The following GRIP2 variants were observed in gnomAD, a reference collection of about 807,000 sequenced individuals.
GRIP2 encodes the protein glutamate receptor interacting protein 2, also known as glutamate receptor-interacting protein 2.
In GRIP2, 58 loss-of-function variants were observed where a neutral mutation model predicts 108.3. The ratio of observed to expected loss-of-function variants is 0.54; its 90% CI spans 0.43 to 0.67. The LOEUF (loss-of-function observed/expected upper bound fraction) is 0.67, where lower values mean the gene tolerates loss of function less well. GRIP2 is among the 30% of genes least tolerant of loss of function. The pLI, the probability that GRIP2 is intolerant of heterozygous loss-of-function variation, is 0.00. For missense variants in GRIP2, 1,278 were observed against 1,430.6 expected, an observed-to-expected ratio of 0.89 and a Z score of 1.72; for synonymous variants, 586 against 598.2, an observed-to-expected ratio of 0.98 and a Z score of 0.30.
chr3:14,577,002 C>A, the GRIP2 span, among the ~76,000 whole-genome samples: 1 of 152,222 alleles, frequency 6.6e-6, no homozygotes, highest in African/African-American at 2.4e-5. Flanking sequence ...GATTCATCAA[C>A]ACATTTCTTT....
upstream of GRIP2, among the ~76,000 whole-genome samples, chr3:14,557,368 G>A (rs991102410): frequency 6.6e-6 from 1 of 152,204 alleles, no homozygotes; most frequent in African/African-American, 2.4e-5. Flanking sequence ...GAAACTTGCA[G>A]ACAAATAATT....
intron 4 of GRIP2, chr3:14,523,978 G>T (rs190710932): frequency 7.8e-6 from 4 of 514,454 alleles, no homozygotes; most frequent in African/African-American, 5.7e-5. Flanking sequence ...CTCAGGCCAG[G>T]GCTGAATTCC....
rs1008816352 is a variant in GRIP2 at position 14,511,947 on chromosome 3, C to G, written c.1721-468G>C. ...GCAATCTCTCCCTGCCCTCCTGGAGCTGGCACTCCAGTGGTGGTCACAATC... is the reference window on the plus strand; with the variant it reads ...GCAATCTCTCCCTGCCCTCCTGGAGGTGGCACTCCAGTGGTGGTCACAATC... On this transcript the variant is annotated intron_variant, in intron 14 of 23. Transcript: ENST00000621039. The surrounding 1 kb of genome is among the most constrained non-coding windows in gnomAD (Gnocchi z 4.1). Among the ~76,000 whole-genome samples, 1 of 152,216 alleles carries G rather than the reference C, an allele frequency of 6.6e-6. No homozygotes were observed. The highest frequency in any genetic ancestry group is 1.5e-5 in the Non-Finnish European group (1 of 68,050).
At chr3:14,513,870 G>A (rs1013220251) in intron 12 of GRIP2, 60 bp from the exon 13 acceptor site, 2 of 1,581,006 alleles carry the variant, frequency 1.3e-6, no homozygotes, top group South Asian at 2.3e-5. Context: ...TGGGAGACAA[G>A]AACGCCATGC....
the GRIP2 span, among the ~76,000 whole-genome samples, chr3:14,580,095 C>T: frequency 0.022 from 3,403 of 152,336 alleles, 119 homozygotes; most frequent in African/African-American, 0.077. Flanking sequence ...GTGTCCAACA[C>T]AGGACTTCAT....
the GRIP2 span, chr3:14,572,869 G>C: frequency 8.3e-7 from 1 of 1,205,456 alleles, no homozygotes; most frequent in Admixed American, 1.7e-5. Context: ...TGAGCATCCA[G>C]TTCGTACTTC....
upstream of GRIP2, among the ~76,000 whole-genome samples, chr3:14,558,937 T>A (rs1353229280): frequency 6.6e-6 from 1 of 152,136 alleles, no homozygotes; most frequent in African/African-American, 2.4e-5. Flanking sequence ...CTGTCCTGGG[T>A]CAAATGAAGA....
chr3:14,516,962 T>A, intron 11 of GRIP2, 102 bp downstream of exon 11: 3 of 1,179,300 alleles, frequency 2.5e-6, no homozygotes, highest in Non-Finnish European at 3.4e-6. Context: ...CACCTGGAGC[T>A]CTGCCCAAAA....
the GRIP2 span, among the ~76,000 whole-genome samples, chr3:14,579,664 C>T: frequency 2.0e-5 from 3 of 152,118 alleles, no homozygotes; most frequent in Non-Finnish European, 4.4e-5. Flanking sequence ...CCCAGGCTGG[C>T]GTTCAGTCTC....
chr3:14,536,862 TCAC>T (rs1694847360), intron 1 of GRIP2, among the ~76,000 whole-genome samples: 1 of 152,168 alleles, frequency 6.6e-6, no homozygotes, highest in South Asian at 2.1e-4. Context: ...GCAGAAGTCC[TCAC>T]CACAACTGTC....
chr3:14,549,141 A>AGAAT (rs754700142), intron 1 of GRIP2, among the ~76,000 whole-genome samples: 4 of 152,266 alleles, frequency 2.6e-5, no homozygotes, highest in African/African-American at 7.2e-5. Flanking sequence ...AAGTGTTTGC[A>AGAAT]GAATGAATGA....
intron 1 of GRIP2, among the ~76,000 whole-genome samples, chr3:14,530,226 A>T (rs986799023): frequency 2.0e-5 from 3 of 151,942 alleles, no homozygotes; most frequent in Admixed American, 1.3e-4. Flanking sequence ...TCCTGGCTTT[A>T]TGCCGGGGTC....
At chr3:14,573,293 G>A in the GRIP2 span, 1 of 1,422,576 alleles carries the variant, frequency 7.0e-7, no homozygotes, top group Non-Finnish European at 9.9e-7. Context: ...GCAGGAAGAT[G>A]GCACTGGCCA....
upstream of GRIP2, among the ~76,000 whole-genome samples, chr3:14,558,770 A>T (rs1695276811): frequency 6.6e-6 from 1 of 152,128 alleles, no homozygotes; most frequent in Admixed American, 6.5e-5. Flanking sequence ...GAGACCCCAC[A>T]GGCCTCAGGG....
chr3:14,525,226 G>A (rs2124929174), intron 3 of GRIP2, among the ~76,000 whole-genome samples: 1 of 152,300 alleles, frequency 6.6e-6, no homozygotes, highest in Non-Finnish European at 1.5e-5. Flanking sequence ...CTATGGCCAA[G>A]CCCCTGGTGT....
At chr3:14,583,945 T>G in the GRIP2 span, among the ~76,000 whole-genome samples, 2 of 152,166 alleles carry the variant, frequency 1.3e-5, no homozygotes, top group African/African-American at 4.8e-5. Context: ...CTCCATAGTT[T>G]GAGCAGCCCT....
chr3:14,573,005 G>A, the GRIP2 span: 172 of 1,472,346 alleles, frequency 1.2e-4, 1 homozygote, highest in African/African-American at 2.0e-3. Context: ...GAAAGATGAT[G>A]ATCAGGCAGC....
At chr3:14,596,514 C>T in the GRIP2 span, among the ~76,000 whole-genome samples, 88 of 152,272 alleles carry the variant, frequency 5.8e-4, no homozygotes, top group Non-Finnish European at 1.1e-3. Context: ...CTCCCTCACT[C>T]CACAAATACC....
rs1693952815 is a variant in GRIP2 at position 14,507,095 on chromosome 3, A to G, written c.2219-115T>C. The G allele has an allele frequency of 1.7e-5, 17 of 999,038 alleles. No individual in the cohort carries two copies. In the South Asian group the frequency reaches 2.4e-4, roughly 14 times the overall value. 61.9% of individuals were successfully genotyped at this position (999,038 alleles called of 1,614,324 possible). ...AGGCAGTAAGCCCTTCTGAGCTGAC[A>G]TATGACCATGGCACACTAATAAGCA... On this transcript the variant is annotated intron_variant, in intron 18 of 23. Transcript: ENST00000621039. This position sits in a 1 kb window ranked among gnomAD's most constrained non-coding sequence, Gnocchi z 4.6.
Sources: allele counts gnomAD v4.1 joint callset (sites outside exome capture counted in the v4.1 genomes callset), GRCh38; gene constraint gnomAD v4.1.1; non-coding constraint Gnocchi (gnomAD v3.1); transcripts MANE v1.5; gene names NCBI Gene and HGNC (gene_info 2026-07-23, HGNC 2026-07-21).